Variants in ST7 observed in about 807,000 individuals in gnomAD.
ST7 encodes suppressor of tumorigenicity 7 protein.
In ST7, 28 loss-of-function variants were observed where a neutral mutation model predicts 78.7. That is an observed-to-expected ratio of 0.36 (90% confidence interval 0.26 to 0.49). The LOEUF is 0.49. Ranked by LOEUF, ST7 falls within the 20% of genes least tolerant of loss-of-function variation. ST7 has a pLI of 0.99. For missense variants in ST7, 418 were observed against 696.0 expected (o/e 0.60, Z 4.49); for synonymous variants, 247 against 249.6 (o/e 0.99, Z 0.10).
At chr7:117,077,844 CTTTTTTTT>C (rs1186348708) in intron 1 of ST7, among the ~76,000 whole-genome samples, 1 of 120,932 alleles carries the variant, frequency 8.3e-6, no homozygotes, top group Non-Finnish European at 1.8e-5. Context: ...TGATTTCTTT[CTTTTTTTT>C]TTTTTTTTTT....
At chr7:116,996,478 C>A (rs1323322401) in intron 1 of ST7, among the ~76,000 whole-genome samples, 1 of 152,202 alleles carries the variant, frequency 6.6e-6, no homozygotes, top group African/African-American at 2.4e-5. Flanking sequence ...TCTGCCAATT[C>A]TTATAGATGC....
chr7:117,140,204 A>G (rs1305401454), intron 9 of ST7, among the ~76,000 whole-genome samples: 4 of 152,154 alleles, frequency 2.6e-5, no homozygotes, highest in South Asian at 2.1e-4. Flanking sequence ...CTTTTTGTTT[A>G]CTATTATTTT....
At chr7:117,021,399 G>A (rs980697481) in intron 1 of ST7, among the ~76,000 whole-genome samples, 1 of 152,154 alleles carries the variant, frequency 6.6e-6, no homozygotes, top group Non-Finnish European at 1.5e-5. Context: ...AGAATATTTT[G>A]TCATTGTCTA....
intron 1 of ST7, among the ~76,000 whole-genome samples, chr7:117,026,174 T>C (rs1380852899): frequency 6.6e-6 from 1 of 152,246 alleles, no homozygotes; most frequent in Non-Finnish European, 1.5e-5. Context: ...ATTGTTGTTA[T>C]GGATTCTGAG....
At chr7:116,985,177 G>C (rs1021573011) in intron 1 of ST7, among the ~76,000 whole-genome samples, 2 of 152,144 alleles carry the variant, frequency 1.3e-5, no homozygotes, top group Non-Finnish European at 2.9e-5. Flanking sequence ...GGTAGGATTT[G>C]ATGAAAATTT....
At chr7:117,140,835 G>A (rs1805225729) in intron 9 of ST7, among the ~76,000 whole-genome samples, 1 of 152,112 alleles carries the variant, frequency 6.6e-6, no homozygotes, top group Non-Finnish European at 1.5e-5. Flanking sequence ...TCTCAGACAT[G>A]GTAGAGATAT....
intron 1 of ST7, among the ~76,000 whole-genome samples, chr7:117,010,251 T>C (rs553919915): frequency 2.2e-4 from 33 of 152,304 alleles, no homozygotes; most frequent in Admixed American, 8.5e-4. Context: ...CTTCATAGGG[T>C]AGTTCTTTTA....
At chr7:117,009,833 G>T (rs988617931) in intron 1 of ST7, among the ~76,000 whole-genome samples, 1 of 152,090 alleles carries the variant, frequency 6.6e-6, no homozygotes, top group African/African-American at 2.4e-5. Context: ...GTGGTTACTT[G>T]ATTTTAGTTC....
chr7:117,117,454 T>C (rs748676392), intron 2 of ST7, among the ~76,000 whole-genome samples: 31 of 152,094 alleles, frequency 2.0e-4, no homozygotes, highest in Non-Finnish European at 4.0e-4. Context: ...AGCAGCACAA[T>C]ATAGAAAGCA....
intron 1 of ST7, among the ~76,000 whole-genome samples, chr7:117,063,572 G>A (rs545620397): frequency 1.3e-5 from 2 of 152,200 alleles, no homozygotes; most frequent in East Asian, 3.9e-4. Context: ...AGCTGGGTGT[G>A]GTGGCATGCA....
intron 12 of ST7, among the ~76,000 whole-genome samples, chr7:117,200,113 C>T (rs1223334905): frequency 6.6e-6 from 1 of 152,156 alleles, no homozygotes; most frequent in East Asian, 1.9e-4. Context: ...TGTGCTTAAA[C>T]CATCTAGTAT....
intron 13 of ST7, among the ~76,000 whole-genome samples, chr7:117,213,592 C>T (rs879565255): frequency 1.3e-5 from 2 of 151,724 alleles, no homozygotes; most frequent in Non-Finnish European, 2.9e-5. Flanking sequence ...CCCCGAAGTC[C>T]AGCTGATGCA....
At chr7:117,087,331 C>T (rs780209547) in intron 1 of ST7, among the ~76,000 whole-genome samples, 6 of 152,180 alleles carry the variant, frequency 3.9e-5, no homozygotes, top group African/African-American at 1.2e-4. Context: ...CATGTAATCT[C>T]GGCTGATAAA....
At chr7:117,063,200 A>G (rs1410004796) in intron 1 of ST7, among the ~76,000 whole-genome samples, 2 of 152,192 alleles carry the variant, frequency 1.3e-5, no homozygotes, top group African/African-American at 2.4e-5. Flanking sequence ...GAGGTCCTAG[A>G]CAGAATTAAA....
intron 1 of ST7, among the ~76,000 whole-genome samples, chr7:117,031,614 A>G (rs1436544833): frequency 4.3e-5 from 4 of 93,534 alleles, no homozygotes; most frequent in African/African-American, 2.0e-4. Flanking sequence ...ATGTGCATAT[A>G]TATGCATATA....
intron 1 of ST7, chr7:116,966,247 CTTT>C (rs374887005): frequency 8.8e-3 from 1,560 of 177,418 alleles, no homozygotes; most frequent in South Asian, 0.021. Context: ...TTTTTTCTTT[CTTT>C]TTTTTTTTTT....
At chr7:116,964,641 G>A (rs992514719) in intron 1 of ST7, among the ~76,000 whole-genome samples, 1 of 152,068 alleles carries the variant, frequency 6.6e-6, no homozygotes, top group Non-Finnish European at 1.5e-5. Flanking sequence ...GTTTAGAGAG[G>A]AATTTTTGTC....
At chr7:117,099,887 T>A in intron 2 of ST7, 43 bp downstream of exon 2, 1 of 1,474,452 alleles carries the variant, frequency 6.8e-7, no homozygotes, top group Non-Finnish European at 9.5e-7. Context: ...TGCTGATTAG[T>A]AATATGTGTA....
intron 1 of ST7, among the ~76,000 whole-genome samples, chr7:117,005,702 C>T (rs545949123): frequency 1.3e-5 from 2 of 152,068 alleles, no homozygotes; most frequent in Non-Finnish European, 2.9e-5. Context: ...AAATTCTGCT[C>T]ATGAAAAGTA....
Sources: gnomAD v4.1 joint callset for allele counts (sites outside exome capture counted in the v4.1 genomes callset) on GRCh38, gnomAD v4.1.1 for gene constraint, MANE v1.5 for transcripts, NCBI Gene and HGNC (gene_info 2026-07-23, HGNC 2026-07-21) for gene names.